Variants in DNAAF4 observed in about 807,000 individuals in gnomAD.
The protein encoded by DNAAF4 is dynein assembly factor 4, axonemal.
In DNAAF4, 43 loss-of-function variants were observed where a neutral mutation model predicts 51.8. The ratio of observed to expected loss-of-function variants is 0.83; its 90% confidence interval spans 0.65 to 1.07. The LOEUF (loss-of-function observed/expected upper bound fraction) is 1.07, where lower values mean the gene tolerates loss of function less well. Ranked by LOEUF, DNAAF4 falls within the 50% of genes least tolerant of loss-of-function variation. The pLI, the probability that DNAAF4 is intolerant of heterozygous loss-of-function variation, is 0.00. For synonymous variants in DNAAF4, 194 were observed against 165.6 expected, an observed-to-expected ratio of 1.17 and a Z score of -1.32; for missense variants, 581 against 493.0, an observed-to-expected ratio of 1.18 and a Z score of -1.69.
chr15:55,439,591 G>A lies in DNAAF4; in HGVS notation c.784-10C>T. 6.2e-7 allele frequency: 1 copy of A among 1,609,838 alleles called. No homozygotes were observed. The highest frequency in any genetic ancestry group is 8.5e-7 in the Non-Finnish European group (1 of 1,177,174). On this transcript the variant is annotated splice_polypyrimidine_tract_variant and intron_variant, in intron 6 of 9. Transcript: ENST00000321149. ...CTTGTTTGTGTAGCCACTAGAATGA[G>A]AAAGAAGTCTTATGAAGAATAAAAA...
chr15:55,501,614 A>AGGTC (rs2058699512), intron 1 of DNAAF4, among the ~76,000 whole-genome samples: 2 of 151,372 alleles, frequency 1.3e-5, no homozygotes, highest in African/African-American at 4.8e-5. Flanking sequence ...TGACCTCGTG[A>AGGTC]TCAACCCACC....
chr15:55,470,901 G>A (rs2058246154), intron 4 of DNAAF4, among the ~76,000 whole-genome samples: 1 of 147,842 alleles, frequency 6.8e-6, no homozygotes, highest in Non-Finnish European at 1.5e-5. Context: ...ACTCAGGCTG[G>A]AGAGTGCAGT....
At chr15:55,493,484 G>A (rs906400237) in intron 3 of DNAAF4, among the ~76,000 whole-genome samples, 1 of 152,008 alleles carries the variant, frequency 6.6e-6, no homozygotes, top group African/African-American at 2.4e-5. Flanking sequence ...CAGCTTCAGC[G>A]GCAGAAATAA....
At chr15:55,473,836 A>T (rs1817698833) in intron 4 of DNAAF4, among the ~76,000 whole-genome samples, 2 of 151,822 alleles carry the variant, frequency 1.3e-5, no homozygotes. Flanking sequence ...TACAAAAAAT[A>T]AAAAAATTAG....
At chr15:55,464,765 C>T (rs542595926) in intron 5 of DNAAF4, among the ~76,000 whole-genome samples, 5 of 152,218 alleles carry the variant, frequency 3.3e-5, no homozygotes, top group East Asian at 1.9e-4. Context: ...GTCAAGAGTT[C>T]GAGACCAGCC....
chr15:55,434,839 A>G, intron 8 of DNAAF4, 66 bp downstream of exon 8: 2 of 1,257,006 alleles, frequency 1.6e-6, no homozygotes, highest in Non-Finnish European at 1.1e-6. Context: ...GAAAAAGATC[A>G]TCATTTAAAC....
chr15:55,498,276 A>G lies in DNAAF4; in HGVS notation c.54T>C (p.Phe18=). The change falls in exon 2 of 10, where the codon TTT becomes TTC. Residue 18 remains phenylalanine (F), a synonymous_variant. Coordinates refer to ENST00000321149, the MANE Select transcript of DNAAF4 (RefSeq NM_130810.4). ...YSWQQTKTAV[F]LSLPLKGVCV... is the part of the protein sequence containing the mutation. ...ACACGCCTTTGAGGGGCAGAGACAG[A>G]AAGACCGCAGTCTTCGTCTGCTGCC... The G allele has an allele frequency of 6.2e-7, 1 of 1,613,670 alleles. No individual in the cohort carries two copies. Among genetic ancestry groups the G allele is most frequent in the South Asian group, 1.1e-5 (1 of 90,984 alleles).
At chr15:55,450,392 A>G (rs199966941) in intron 5 of DNAAF4, 25 bp from the exon 6 acceptor site, 7 of 1,601,548 alleles carry the variant, frequency 4.4e-6, no homozygotes, top group Non-Finnish European at 6.0e-6. Flanking sequence ...GTAGCAAACA[A>G]GTCACTTATT....
chr15:55,487,422 C>A (rs949011306), intron 4 of DNAAF4, among the ~76,000 whole-genome samples: 1 of 152,162 alleles, frequency 6.6e-6, no homozygotes, highest in African/African-American at 2.4e-5. Context: ...TAAAATGGAC[C>A]AATCCGCAGG....
chr15:55,421,021 T>C (rs56340826), intron 7 of DNAAF4, among the ~76,000 whole-genome samples: 26,884 of 151,562 alleles, frequency 0.18, 4,123 homozygotes, highest in African/African-American at 0.42. Context: ...AAACCCCGTC[T>C]CTACTAAAAA....
chr15:55,497,423 A>T (rs1595959381), intron 3 of DNAAF4, among the ~76,000 whole-genome samples: 1 of 152,024 alleles, frequency 6.6e-6, no homozygotes, highest in South Asian at 2.1e-4. Flanking sequence ...CAACATGGCA[A>T]AACGCTCTAC....
At chr15:55,426,150 G>A (rs1226285246), downstream of DNAAF4, among the ~76,000 whole-genome samples, 2 of 145,676 alleles carry the variant, frequency 1.4e-5, no homozygotes, top group East Asian at 3.8e-4. Flanking sequence ...CTGGGTGGAA[G>A]TCACAAGATG....
intron 3 of DNAAF4, among the ~76,000 whole-genome samples, chr15:55,492,621 C>T (rs555377584): frequency 1.3e-5 from 2 of 151,872 alleles, no homozygotes; most frequent in Admixed American, 1.3e-4. Context: ...CTCACTGCAA[C>T]CCCCGCCTCC....
At chr15:55,490,920 C>T (rs1386894603) in intron 4 of DNAAF4, 10 of 498,066 alleles carry the variant, frequency 2.0e-5, no homozygotes, top group Non-Finnish European at 2.7e-5. Flanking sequence ...CCGCACTGCA[C>T]TCCAGCCTGG....
intron 4 of DNAAF4, among the ~76,000 whole-genome samples, chr15:55,479,002 G>A (rs908580357): frequency 4.6e-5 from 7 of 151,888 alleles, no homozygotes; most frequent in African/African-American, 1.5e-4. Context: ...AACTTGTATG[G>A]TTTTCATGAA....
At chr15:55,427,824 A>G (rs1437948222), downstream of DNAAF4, among the ~76,000 whole-genome samples, 1 of 151,856 alleles carries the variant, frequency 6.6e-6, no homozygotes, top group Non-Finnish European at 1.5e-5. Context: ...TAGTACAGAC[A>G]GGGTGTCTCC....
At chr15:55,427,607 G>T (rs150197171), downstream of DNAAF4, among the ~76,000 whole-genome samples, 450 of 152,066 alleles carry the variant, frequency 3.0e-3, 2 homozygotes, top group African/African-American at 0.01. Flanking sequence ...GTTTAGGGAG[G>T]GTCAGAATTT....
intron 3 of DNAAF4, among the ~76,000 whole-genome samples, chr15:55,491,990 G>A (rs2058581080): frequency 1.3e-5 from 2 of 150,798 alleles, no homozygotes; most frequent in South Asian, 4.2e-4. Flanking sequence ...CTGAGTAGCT[G>A]GGACTACAGG....
chr15:55,491,751 T>A (rs966281517), intron 3 of DNAAF4, among the ~76,000 whole-genome samples: 23 of 141,622 alleles, frequency 1.6e-4, no homozygotes, highest in Admixed American at 2.3e-4. Context: ...AATATTATAT[T>A]ATAATAGTAT....
Sources: gnomAD v4.1 joint callset for allele counts (sites outside exome capture counted in the v4.1 genomes callset) on GRCh38, gnomAD v4.1.1 for gene constraint, MANE v1.5 for transcripts, NCBI Gene and HGNC (gene_info 2026-07-23, HGNC 2026-07-21) for gene names.